PSD4: variants seen among roughly 807,000 people sequenced by gnomAD.
The protein encoded by PSD4 is pleckstrin and Sec7 domain containing 4, also known as PH and SEC7 domain-containing protein 4.
In PSD4, 59 loss-of-function variants were observed where a neutral mutation model predicts 112.5. The observed-to-expected ratio is 0.52, with a 90% CI of 0.43 to 0.65. PSD4 has a LOEUF of 0.65. Among genes scored for constraint, PSD4 ranks in the 30% least tolerant of loss-of-function variants. The probability of loss-of-function intolerance (pLI) is 0.00; values close to 1 mark genes in which losing one functional copy is unlikely to be tolerated. For synonymous variants in PSD4, 533 were observed against 540.0 expected (o/e 0.99, Z 0.18); for missense variants, 1,267 against 1,352.6 (o/e 0.94, Z 0.99).
rs926261881 is a variant in PSD4, at chr2:113,203,956, C to T, written c.*2541C>T. 1.3e-5 allele frequency: 2 copies of T among 152,234 alleles called. No homozygotes were observed. The highest frequency in any genetic ancestry group is 4.8e-5 in the African/African-American group (2 of 41,458). The allele number at this position is 152,234 out of a possible 1,614,324, so 9.4% of individuals were successfully genotyped here. A position where few individuals can be genotyped will look rare whatever the true frequency, so the allele number is the denominator to read the frequency against. On this transcript the variant is annotated 3_prime_UTR_variant, in exon 17 of 17. Coordinates refer to ENST00000245796, the MANE Select transcript of PSD4 (RefSeq NM_012455.3). ...CTCCTTTGCTCATGTAGAACCGGCACCTCTCTTTCACCTGAGCACGTGGAA... is the reference window on the plus strand; with the variant it reads ...CTCCTTTGCTCATGTAGAACCGGCATCTCTCTTTCACCTGAGCACGTGGAA...
At chr2:113,188,115 A>C (rs932675312) in intron 5 of PSD4, among the ~76,000 whole-genome samples, 3 of 152,252 alleles carry the variant, frequency 2.0e-5, no homozygotes, top group Non-Finnish European at 4.4e-5. Flanking sequence ...TCAACTGACG[A>C]AGCCCTAAAA....
chr2:113,195,503 C>T (rs1185696923), intron 10 of PSD4, among the ~76,000 whole-genome samples: 1 of 150,924 alleles, frequency 6.6e-6, no homozygotes, highest in Non-Finnish European at 1.5e-5. Context: ...GTGCTTGTTG[C>T]TGGGAAATAC....
In PSD4 at chr2:113,197,975, G is replaced by A. The variant is rs1688660852; in HGVS notation, c.2624+62G>A. ...GCCCTGCCCTAGTTCTCTCTCCCCTGACCCTGCTGACACCTGAGGCTTGTG... is the reference window on the plus strand; with the variant it reads ...GCCCTGCCCTAGTTCTCTCTCCCCTAACCCTGCTGACACCTGAGGCTTGTG... On this transcript the variant is annotated intron_variant, in intron 14 of 16. Transcript: ENST00000245796. 1.2e-5 allele frequency: 18 copies of A among 1,450,202 alleles called. No individual in the cohort carries two copies. The South Asian group carries it at 1.6e-4, about 13-fold the overall frequency. The allele number at this position is 1,450,202 out of a possible 1,614,324, so 89.8% of individuals were successfully genotyped here.
intron 5 of PSD4, among the ~76,000 whole-genome samples, chr2:113,188,099 G>C (rs966582899): frequency 2.0e-5 from 3 of 151,788 alleles, no homozygotes; most frequent in Non-Finnish European, 2.9e-5. Context: ...AGAATTACTC[G>C]AAAAATCAAC....
chr2:113,175,982 G>C (rs990127375), intron 1 of PSD4, among the ~76,000 whole-genome samples: 13 of 152,212 alleles, frequency 8.5e-5, no homozygotes, highest in African/African-American at 3.1e-4. Context: ...ACCAGGTGGA[G>C]TTTTTCACCC....
intron 10 of PSD4, among the ~76,000 whole-genome samples, chr2:113,195,150 T>C (rs1168754553): frequency 6.8e-6 from 1 of 148,024 alleles, no homozygotes; most frequent in Non-Finnish European, 1.5e-5. Flanking sequence ...GGGACTTGTC[T>C]GCCCTGGTCA....
At position 113,186,031 on chromosome 2, in the gene PSD4, C is replaced by T. The variant is rs34899488; in HGVS notation, c.1404C>T (p.Gly468=). The T allele has an allele frequency of 6.3e-4, 1,010 of 1,614,238 alleles. 4 individuals are homozygous for T. In the African/African-American group the frequency reaches 0.011, roughly 17 times the overall value. The change falls in exon 5 of 17, where the codon GGC becomes GGT. Residue 468 remains glycine (G), a synonymous_variant. Transcript: ENST00000245796. ...PRPSPASSQE[G]SPQLQHHSSG... ...CCAGCCCTGCATCGTCCCAGGAGGG[C>T]AGCCCGCAGCTTCAACACCACAGCT...
Position 113,206,502 on chromosome 2 carries a change from C to T in PSD4, c.*5087C>T, listed in dbSNP as rs1007630238. ...CACCCAGGCTCAGCCTGATCTTGCCCCAGTGGCCAGGCCCTTGAGTGGGAC... is the reference window on the plus strand; with the variant it reads ...CACCCAGGCTCAGCCTGATCTTGCCTCAGTGGCCAGGCCCTTGAGTGGGAC... On this transcript the variant is annotated 3_prime_UTR_variant, in exon 17 of 17. Coordinates refer to ENST00000245796, the MANE Select transcript of PSD4 (RefSeq NM_012455.3). The T allele has an allele frequency of 1.3e-5, 2 of 152,300 alleles. No individual in the cohort carries two copies. Among genetic ancestry groups the T allele is most frequent in the African/African-American group, 4.8e-5 (2 of 41,474 alleles). The allele number at this position is 152,300 out of a possible 1,614,324, so 9.4% of individuals were successfully genotyped here.
chr2:113,193,596 T>C lies in PSD4; in HGVS notation c.2037T>C (p.Ser679=). Reference sequence around the variant, plus strand: ...ACTTACCTATCTCTGGGGTAGATTCTGTACACACCTTGACATGTGCAATCA... The same window carrying C: ...ACTTACCTATCTCTGGGGTAGATTCCGTACACACCTTGACATGTGCAATCA... ...CNPGIFPSVD[S]VHTLTCAIML... Residue 679 remains serine (S), a synonymous_variant, in exon 9 of 17, where the codon TCT becomes TCC. Transcript: ENST00000245796. 6.2e-7 allele frequency: 1 copy of C among 1,613,400 alleles called. No individual in the cohort carries two copies. Among genetic ancestry groups the C allele is most frequent in the Non-Finnish European group, 8.5e-7 (1 of 1,179,304 alleles).
chr2:113,188,487 G>T (rs1320095206), intron 5 of PSD4, among the ~76,000 whole-genome samples: 1 of 152,154 alleles, frequency 6.6e-6, no homozygotes, highest in Non-Finnish European at 1.5e-5. Context: ...GACTTGTCTT[G>T]AACTCTCGAA....
At chr2:113,196,630 C>T (rs1389321796) in intron 12 of PSD4, 3 of 247,292 alleles carry the variant, frequency 1.2e-5, no homozygotes, top group Non-Finnish European at 2.3e-5. Flanking sequence ...GGGGCTGAAT[C>T]AAGTGAGGAG....
chr2:113,176,020 G>T (rs1260030720), intron 1 of PSD4, among the ~76,000 whole-genome samples: 1 of 152,220 alleles, frequency 6.6e-6, no homozygotes, highest in Admixed American at 6.5e-5. Context: ...CAGCTGTAGA[G>T]TTAGGATGGG....
intron 5 of PSD4, among the ~76,000 whole-genome samples, chr2:113,191,788 T>G (rs1279373142): frequency 6.6e-6 from 1 of 152,094 alleles, no homozygotes; most frequent in Non-Finnish European, 1.5e-5. Flanking sequence ...CACCCAGGCC[T>G]GTTCACACTA....
Position 113,183,496 on chromosome 2 carries a change from G to T in PSD4, c.1040G>T (p.Gly347Val). The T allele has an allele frequency of 6.3e-7, 1 of 1,580,240 alleles. No individual in the cohort carries two copies. Residue 347 changes from glycine to valine, a missense_variant, in exon 2 of 17, where the codon GGT (glycine) becomes GTT (valine). Gly to Val is a moderately radical substitution (Grantham distance 109). Around this residue, in one of 2 missense-constraint regions of PSD4, gnomAD observed 723 missense variants for 704.0 expected, o/e 1.03. Transcript: ENST00000245796. The stretch of plus-strand genomic sequence containing the variant: ...GAGGGGGCTCCTGCAGCACCTCCTG[G>T]TCACGGGGAGAGTGAGGTAAGCCCA... Reference protein sequence around the residue: ...AAEGAPAAPPGHGESEGDRLG... With the variant: ...AAEGAPAAPPVHGESEGDRLG...
Position 113,203,550 on chromosome 2 carries a change from CTT to C in PSD4, c.*2164_*2165del, listed in dbSNP as rs1358297259. 1.0e-5 allele frequency: 1 copy of C among 100,046 alleles called. No homozygotes were observed. Among genetic ancestry groups the C allele is most frequent in the Admixed American group, 1.3e-4 (1 of 7,638 alleles). The allele number at this position is 100,046 out of a possible 1,614,324, so 6.2% of individuals were successfully genotyped here. On this transcript the variant is annotated 3_prime_UTR_variant, in exon 17 of 17. Coordinates refer to ENST00000245796, the MANE Select transcript of PSD4 (RefSeq NM_012455.3). ...TATTTGACCTCACTGAACATGCATC[CTT>C]TTTTTTTTTTTTTTTTTTTTTTTTT...
At chr2:113,187,820 C>T (rs369417516) in intron 5 of PSD4, among the ~76,000 whole-genome samples, 9 of 152,328 alleles carry the variant, frequency 5.9e-5, no homozygotes, top group East Asian at 5.8e-4. Context: ...CTAACACAGA[C>T]GGGTCAGGGT....
chr2:113,183,393 A>C lies in PSD4; in HGVS notation c.937A>C (p.Ser313Arg), dbSNP rs1360867756. Residue 313 changes from serine to arginine, a missense_variant, in exon 2 of 17, where the codon AGT becomes CGT. Transcript: ENST00000245796. ...EPDLGDGAAISGHCTPPFPVP... is the reference protein window; with the variant it reads ...EPDLGDGAAIRGHCTPPFPVP... ...AGATTTGGGGGACGGCGCTGCTATCAGTGGGCATTGTACCCCTCCATTCCC... is the reference window on the plus strand; with the variant it reads ...AGATTTGGGGGACGGCGCTGCTATCCGTGGGCATTGTACCCCTCCATTCCC... The C allele has an allele frequency of 6.3e-7, 1 of 1,575,606 alleles. No individual in the cohort carries two copies. The highest frequency in any genetic ancestry group is 1.8e-5 in the Admixed American group (1 of 55,970).
chr2:113,191,976 A>G (rs1688453181), intron 5 of PSD4, among the ~76,000 whole-genome samples: 1 of 152,070 alleles, frequency 6.6e-6, no homozygotes. Context: ...TGGAGGCTAG[A>G]GCCAGAGCTG....
chr2:113,199,353 CG>C, intron 16 of PSD4, 127 bp downstream of exon 16: 6 of 1,184,406 alleles, frequency 5.1e-6, no homozygotes, highest in Non-Finnish European at 6.5e-6. Flanking sequence ...TGCGTGCGGG[CG>C]GGGCCCGCGT....
Sources: gnomAD v4.1 joint callset for allele counts (sites outside exome capture counted in the v4.1 genomes callset) on GRCh38, gnomAD v4.1.1 for gene constraint, gnomAD v4.1.1 regional missense constraint, MANE v1.5 for transcripts, NCBI Gene and HGNC (gene_info 2026-07-23, HGNC 2026-07-21) for gene names.